The following ZYG11A variants were observed in gnomAD, a reference collection of about 807,000 sequenced individuals.
ZYG11A encodes protein zyg-11 homolog A.
A neutral mutation model predicts 77.2 loss-of-function variants in ZYG11A; 62 were observed. The observed-to-expected ratio is 0.80, with a 90% CI of 0.65 to 0.99. The LOEUF (loss-of-function observed/expected upper bound fraction) is 0.99, where lower values mean the gene tolerates loss of function less well. ZYG11A is among the 50% of genes least tolerant of loss of function. The pLI, the probability that ZYG11A is intolerant of heterozygous loss-of-function variation, is 0.00. For missense variants in ZYG11A, 828 were observed against 896.8 expected (o/e 0.92, Z 0.98); for synonymous variants, 315 against 324.6 (o/e 0.97, Z 0.32).
At chr1:52,856,455 C>CAAAAAAA (rs57138221) in intron 2 of ZYG11A, among the ~76,000 whole-genome samples, 1 of 104,104 alleles carries the variant, frequency 9.6e-6, no homozygotes, top group Non-Finnish European at 1.9e-5. Context: ...GACTCCATCT[C>CAAAAAAA]AAAAAAAAAA....
chr1:52,878,309 G>A (rs1646298550), intron 10 of ZYG11A, among the ~76,000 whole-genome samples: 1 of 152,164 alleles, frequency 6.6e-6, no homozygotes, highest in South Asian at 2.1e-4. Context: ...GACTGGGGCT[G>A]GAGGGTCTAA....
chr1:52,852,893 G>A (rs765472195), intron 1 of ZYG11A, among the ~76,000 whole-genome samples: 6 of 152,110 alleles, frequency 3.9e-5, no homozygotes, highest in African/African-American at 1.2e-4. Flanking sequence ...TGAATATCTC[G>A]TGGAATTTAT....
chr1:52,862,337 C>CA (rs1557439020), intron 4 of ZYG11A, among the ~76,000 whole-genome samples: 2 of 140,044 alleles, frequency 1.4e-5, no homozygotes. Flanking sequence ...TTTGAGACGG[C>CA]GTCTCGCTCT....
intron 1 of ZYG11A, among the ~76,000 whole-genome samples, chr1:52,847,598 G>T (rs796446603): frequency 3.3e-5 from 5 of 151,304 alleles, no homozygotes; most frequent in African/African-American, 1.2e-4. Flanking sequence ...GTTTATCTGA[G>T]AATATATTTC....
At chr1:52,865,800 G>A (rs926055531) in intron 5 of ZYG11A, among the ~76,000 whole-genome samples, 13 of 152,094 alleles carry the variant, frequency 8.5e-5, no homozygotes, top group Non-Finnish European at 1.5e-4. Context: ...GGTTTACAGG[G>A]TTGAGACTAA....
chr1:52,875,185 G>T (rs1465229716), intron 8 of ZYG11A, among the ~76,000 whole-genome samples: 1 of 152,288 alleles, frequency 6.6e-6, no homozygotes, highest in Non-Finnish European at 1.5e-5. Context: ...GTTGAGTGAC[G>T]TGAGGACAGA....
intron 13 of ZYG11A, among the ~76,000 whole-genome samples, chr1:52,892,227 C>T (rs1646556954): frequency 7.2e-6 from 1 of 139,260 alleles, no homozygotes; most frequent in East Asian, 2.3e-4. Context: ...CATCATTTAA[C>T]TAGGATTAAA....
At chr1:52,885,023 C>T (rs914234845) in intron 11 of ZYG11A, among the ~76,000 whole-genome samples, 4 of 152,144 alleles carry the variant, frequency 2.6e-5, no homozygotes, top group African/African-American at 4.8e-5. Flanking sequence ...ATTCTCCTGC[C>T]TCAGTCTCCT....
rs555239014 is a variant in ZYG11A at position 52,861,678 on chromosome 1, T to G, written c.1149+807T>G. Among the ~76,000 whole-genome samples, 7 of 150,310 alleles carry G rather than the reference T, an allele frequency of 4.7e-5. No homozygotes were observed. In the South Asian group the frequency reaches 1.3e-3, roughly 28 times the overall value. ...GAGATTGTGCCATTGCACTCCCTCC[T>G]GGTGACAGAGCGAGACTCAAAAAAA... is the stretch of plus-strand genomic sequence containing the variant. On this transcript the variant is annotated intron_variant, in intron 4 of 13. Transcript: ENST00000371528.
At chr1:52,883,939 G>A (rs1401016833) in intron 11 of ZYG11A, among the ~76,000 whole-genome samples, 1 of 146,014 alleles carries the variant, frequency 6.8e-6, no homozygotes, top group Non-Finnish European at 1.5e-5. Context: ...GAGTGCAATG[G>A]CATGATCATA....
chr1:52,852,240 G>A (rs1645726900), intron 1 of ZYG11A, among the ~76,000 whole-genome samples: 2 of 151,706 alleles, frequency 1.3e-5, no homozygotes, highest in Non-Finnish European at 2.9e-5. Context: ...GTGAAGATGG[G>A]GTTTCACCGT....
intron 11 of ZYG11A, 135 bp downstream of exon 11, chr1:52,881,800 T>C (rs1646367227): frequency 3.1e-6 from 2 of 651,326 alleles, no homozygotes; most frequent in Non-Finnish European, 4.9e-6. Flanking sequence ...CCCATATCTT[T>C]CCATCCAAAA....
intron 10 of ZYG11A, among the ~76,000 whole-genome samples, chr1:52,878,495 T>G (rs1646301851): frequency 6.6e-6 from 1 of 152,204 alleles, no homozygotes; most frequent in African/African-American, 2.4e-5. Flanking sequence ...GGTTATATAT[T>G]TAAGCCCAGA....
At position 52,842,826 on chromosome 1, in the gene ZYG11A, G is replaced by C. The variant is rs1366283794; in HGVS notation, c.-58G>C. ...GCAGCCGCCCGCTTGGTTCTCGCGG[G>C]ATCCGGGCTCCGGCTCGACGCCGGC... On this transcript the variant is annotated 5_prime_UTR_variant, in exon 1 of 14. Transcript: ENST00000371528. The C allele has an allele frequency of 6.7e-7, 1 of 1,491,224 alleles. No homozygotes were observed. Among genetic ancestry groups the C allele is most frequent in the African/African-American group, 1.5e-5 (1 of 68,832 alleles). The allele number at this position is 1,491,224 out of a possible 1,614,324, so 92.4% of individuals were successfully genotyped here.
intron 8 of ZYG11A, among the ~76,000 whole-genome samples, chr1:52,877,282 C>T (rs537822): frequency 0.86 from 130,611 of 152,144 alleles, 56,134 homozygotes; most frequent in South Asian, 0.9. Flanking sequence ...TTTCATCAGA[C>T]AACCAAAATT....
At chr1:52,884,365 G>A (rs937951302) in intron 11 of ZYG11A, among the ~76,000 whole-genome samples, 61 of 151,916 alleles carry the variant, frequency 4.0e-4, no homozygotes, top group African/African-American at 1.5e-3. Flanking sequence ...GCGTGGTGGC[G>A]GGCACCTGTA....
At chr1:52,867,443 C>A in intron 6 of ZYG11A, 96 bp from the exon 7 acceptor site, 2 of 822,348 alleles carry the variant, frequency 2.4e-6, no homozygotes, top group Middle Eastern at 2.3e-4. Context: ...AGACTGTTTT[C>A]ATTATAGGAT....
At chr1:52,858,465 C>A (rs1329665841) in intron 3 of ZYG11A, among the ~76,000 whole-genome samples, 1 of 150,552 alleles carries the variant, frequency 6.6e-6, no homozygotes, top group Non-Finnish European at 1.5e-5. Flanking sequence ...GCCACCATGC[C>A]CAGCTAGTTT....
intron 8 of ZYG11A, among the ~76,000 whole-genome samples, chr1:52,877,468 C>T (rs1279627418): frequency 4.6e-5 from 7 of 152,142 alleles, no homozygotes; most frequent in Admixed American, 4.6e-4. Context: ...ACTAAGTGCT[C>T]ACTAAACTTA....
Sources: allele counts gnomAD v4.1 joint callset (sites outside exome capture counted in the v4.1 genomes callset), GRCh38; gene constraint gnomAD v4.1.1; transcripts MANE v1.5; gene names NCBI Gene and HGNC (gene_info 2026-07-23, HGNC 2026-07-21).